The following BCAS3 variants were observed in gnomAD, a reference collection of about 807,000 sequenced individuals.
BCAS3 encodes the protein BCAS4/BCAS3 fusion.
In BCAS3, 53 loss-of-function variants were observed where a neutral mutation model predicts 116.1. The observed-to-expected ratio is 0.46, with a 90% CI of 0.37 to 0.57. The LOEUF (loss-of-function observed/expected upper bound fraction) is 0.57. Among genes scored for constraint, BCAS3 ranks in the 20% least tolerant of loss-of-function variants. BCAS3 has a pLI of 0.00. For missense variants in BCAS3, 917 were observed against 1,165.4 expected (o/e 0.79, Z 3.10); for synonymous variants, 391 against 408.2 (o/e 0.96, Z 0.51).
chr17:60,898,705 G>A, intron 10 of BCAS3, among the ~76,000 whole-genome samples: 1 of 152,186 alleles, frequency 6.6e-6, no homozygotes, highest in South Asian at 2.1e-4. Flanking sequence ...TTGGATGCTG[G>A]TAGTGGCAAT....
chr17:61,045,865 A>ATATAT (rs757031336), intron 19 of BCAS3, among the ~76,000 whole-genome samples: 136 of 3,930 alleles, frequency 0.035, 3 homozygotes, highest in Admixed American at 0.042. Context: ...ATATATATAT[A>ATATAT]AATATATATA....
chr17:61,192,246 C>CAAAAAAAAAAA (rs60456812), intron 22 of BCAS3, among the ~76,000 whole-genome samples: 848 of 70,544 alleles, frequency 0.012, 74 homozygotes, highest in African/African-American at 0.036. Context: ...GCTCTGTTAC[C>CAAAAAAAAAAA]AAAAAAAAAA....
chr17:61,066,119 T>A (rs2143353045), intron 19 of BCAS3, among the ~76,000 whole-genome samples: 1 of 152,300 alleles, frequency 6.6e-6, no homozygotes, highest in Non-Finnish European at 1.5e-5. Context: ...TGCAATTAAT[T>A]TCAAGGAGTA....
At position 61,208,894 on chromosome 17, in the gene BCAS3, G is replaced by T. The variant is rs974332243; in HGVS notation, c.2425+124330G>T. ...CTAAAAAGGAAAAAAAAAAAAAAAG[G>T]AGGGCCTGTATCTCTTGTGTAGCTC... On this transcript the variant is annotated intron_variant, in intron 22 of 23. Transcript: ENST00000407086. This position sits in a 1 kb window ranked among gnomAD's most constrained non-coding sequence, Gnocchi z 4.5. 6.7e-6 allele frequency among the ~76,000 whole-genome samples: 1 copy of T among 149,436 alleles called. No homozygotes were observed. The highest frequency in any genetic ancestry group is 1.5e-5 in the Non-Finnish European group (1 of 67,366).
chr17:60,841,546 ATTT>A lies in BCAS3; in HGVS notation c.477-27013_477-27011del, dbSNP rs754447784. ...AGGTGCCCGCCACCACACCTGGCTA[ATTT>A]TTTTTTTTTTTTTTTTGTATTTTTA... On this transcript the variant is annotated intron_variant, in intron 7 of 23. Transcript: ENST00000407086. 1.3e-3 allele frequency among the ~76,000 whole-genome samples: 164 copies of A among 123,460 alleles called. 1 individual carries two copies. Among genetic ancestry groups the A allele is most frequent in the African/African-American group, 4.8e-3 (139 of 28,710 alleles). The allele number at this position is 123,460 out of a possible 152,430, so 81.0% of individuals were successfully genotyped here.
rs770980240 is a variant in BCAS3, at chr17:61,034,101, A to G, written c.1638-565A>G. Among the ~76,000 whole-genome samples, 8 of 152,196 alleles carry G rather than the reference A, an allele frequency of 5.3e-5. No homozygotes were observed. Among genetic ancestry groups the G allele is most frequent in the South Asian group, 2.1e-4 (1 of 4,834 alleles). ...ATATAATTGCATTAGATGATTAGCT[A>G]TTCTTCCCTTGCACTGTCTAACTCT... On this transcript the variant is annotated intron_variant, in intron 16 of 23. Transcript: ENST00000407086. The surrounding 1 kb of genome is among the most constrained non-coding windows in gnomAD (Gnocchi z 5.0).
At chr17:61,006,552 A>T (rs2064727988) in intron 15 of BCAS3, among the ~76,000 whole-genome samples, 1 of 152,010 alleles carries the variant, frequency 6.6e-6, no homozygotes, top group African/African-American at 2.4e-5. Flanking sequence ...AAGATGGGAG[A>T]GTTGAGTATA....
At chr17:60,965,703 A>G (rs2061625487) in intron 14 of BCAS3, among the ~76,000 whole-genome samples, 1 of 152,200 alleles carries the variant, frequency 6.6e-6, no homozygotes, top group African/African-American at 2.4e-5. Flanking sequence ...GTGGCCAGAA[A>G]AGATATTTGA....
intron 22 of BCAS3, among the ~76,000 whole-genome samples, chr17:61,283,221 G>A (rs1324032156): frequency 6.6e-6 from 1 of 152,128 alleles, no homozygotes; most frequent in Non-Finnish European, 1.5e-5. Context: ...TACTGGAAAA[G>A]TACCAATGAA....
At chr17:61,191,649 C>A (rs2144228839) in intron 22 of BCAS3, among the ~76,000 whole-genome samples, 1 of 151,960 alleles carries the variant, frequency 6.6e-6, no homozygotes, top group South Asian at 2.1e-4. Context: ...GTGACGGGCG[C>A]CTATAGTCCC....
intron 18 of BCAS3, among the ~76,000 whole-genome samples, chr17:61,038,341 G>A (rs1021787692): frequency 4.7e-5 from 7 of 148,770 alleles, no homozygotes; most frequent in Admixed American, 3.4e-4. Flanking sequence ...GCAGTGGCGC[G>A]ATCTCAGCTC....
intron 6 of BCAS3, among the ~76,000 whole-genome samples, chr17:60,804,403 C>T (rs749858598): frequency 2.0e-5 from 3 of 151,932 alleles, no homozygotes; most frequent in Non-Finnish European, 4.4e-5. Context: ...ATCGTTTGAA[C>T]CTTGGAGACA....
intron 22 of BCAS3, among the ~76,000 whole-genome samples, chr17:61,263,944 T>G (rs1045328754): frequency 6.6e-6 from 1 of 152,210 alleles, no homozygotes; most frequent in Admixed American, 6.5e-5. Context: ...ATTCTGACCA[T>G]GCATGTTGGC....
At position 60,898,648 on chromosome 17, in the gene BCAS3, A is replaced by G. The variant is rs143191508; in HGVS notation, c.739-3972A>G. On this transcript the variant is annotated intron_variant, in intron 10 of 23. Coordinates refer to ENST00000407086, the MANE Select transcript of BCAS3 (RefSeq NM_017679.5). ...CAGAGTAGTGTACACTGGCACCTAT[A>G]TTGGTGGTTACAAGTGGGCTGATTG... Among the ~76,000 whole-genome samples, 1,099 of 152,196 alleles carry G rather than the reference A, an allele frequency of 7.2e-3. 8 individuals carry two copies. Among genetic ancestry groups the G allele is most frequent in the Non-Finnish European group, 0.011 (771 of 68,006 alleles).
rs2072925814 is a variant in BCAS3 at position 61,084,596 on chromosome 17, C to T, written c.2425+32C>T. On this transcript the variant is annotated intron_variant, in intron 22 of 23. Coordinates refer to ENST00000407086, the MANE Select transcript of BCAS3 (RefSeq NM_017679.5). The surrounding 1 kb of genome is among the most constrained non-coding windows in gnomAD (Gnocchi z 5.5). ...AACCACCTCTGAAATATTTATTGGG[C>T]AGTCCTGTGCATTTTTAACTAATTT... 1 of 1,510,374 alleles carries T rather than the reference C, an allele frequency of 6.6e-7. No individual in the cohort carries two copies. Among genetic ancestry groups the T allele is most frequent in the Admixed American group, 1.7e-5 (1 of 59,348 alleles). The allele number at this position is 1,510,374 out of a possible 1,614,324, so 93.6% of individuals were successfully genotyped here.
At chr17:60,963,443 T>G (rs1006938512) in intron 14 of BCAS3, among the ~76,000 whole-genome samples, 1 of 152,092 alleles carries the variant, frequency 6.6e-6, no homozygotes, top group African/African-American at 2.4e-5. Context: ...CTTTCACTTC[T>G]TTAGTTAGAT....
intron 7 of BCAS3, among the ~76,000 whole-genome samples, chr17:60,814,302 T>TGCGCGCGTGC (rs58998607): frequency 7.2e-6 from 1 of 138,752 alleles, no homozygotes; most frequent in African/African-American, 3.0e-5. Flanking sequence ...TGTGTGTGTG[T>TGCGCGCGTGC]GTGTGCGCGC....
intron 22 of BCAS3, among the ~76,000 whole-genome samples, chr17:61,321,727 C>T (rs1457300349): frequency 6.6e-6 from 1 of 152,130 alleles, no homozygotes. Flanking sequence ...TCGTTCTAGT[C>T]TCTGAGAACA....
chr17:61,320,590 G>A (rs2055131889), intron 22 of BCAS3, among the ~76,000 whole-genome samples: 1 of 151,722 alleles, frequency 6.6e-6, no homozygotes, highest in Non-Finnish European at 1.5e-5. Flanking sequence ...GCAGGAGAAC[G>A]GCATGAACCC....
Sources: allele counts gnomAD v4.1 joint callset (sites outside exome capture counted in the v4.1 genomes callset), GRCh38; gene constraint gnomAD v4.1.1; non-coding constraint Gnocchi (gnomAD v3.1); transcripts MANE v1.5; gene names NCBI Gene and HGNC (gene_info 2026-07-23, HGNC 2026-07-21).